Variants in NRXN3 observed in about 807,000 individuals in gnomAD.
The protein encoded by NRXN3 is neurexin 3, also known as neurexin III.
A neutral mutation model predicts 137.6 loss-of-function variants in NRXN3; 32 were observed. That is an observed-to-expected ratio of 0.23 (90% CI 0.18 to 0.31). NRXN3 has a LOEUF of 0.31. Among genes scored for constraint, NRXN3 ranks in the 10% least tolerant of loss-of-function variants. The pLI, the probability that NRXN3 is intolerant of heterozygous loss-of-function variation, is 1.00. For missense variants in NRXN3, 1,574 were observed against 2,062.5 expected (o/e 0.76, Z 4.59); for synonymous variants, 798 against 784.5 (o/e 1.02, Z -0.29).
intron 16 of NRXN3, among the ~76,000 whole-genome samples, chr14:79,650,185 A>G (rs745675644): frequency 6.6e-6 from 1 of 152,154 alleles, no homozygotes; most frequent in Non-Finnish European, 1.5e-5. Context: ...TTGTGAGAGT[A>G]TAGGAGAAAC....
At chr14:78,966,487 T>A (rs1456059926) in intron 12 of NRXN3, 81 bp downstream of exon 12, 3 of 1,413,450 alleles carry the variant, frequency 2.1e-6, no homozygotes, top group Admixed American at 2.1e-5. Flanking sequence ...TAAAAATAAC[T>A]TGTCTATTCT....
intron 15 of NRXN3, among the ~76,000 whole-genome samples, chr14:79,046,297 A>C (rs1266464298): frequency 6.6e-6 from 1 of 152,126 alleles, no homozygotes; most frequent in Non-Finnish European, 1.5e-5. Flanking sequence ...ATGGTCCCTG[A>C]GAAAGGACAA....
chr14:79,355,590 A>G (rs1024734563), intron 15 of NRXN3, among the ~76,000 whole-genome samples: 1 of 152,252 alleles, frequency 6.6e-6, no homozygotes, highest in African/African-American at 2.4e-5. Flanking sequence ...ATAGCATTCA[A>G]TAATTATCCA....
intron 4 of NRXN3, among the ~76,000 whole-genome samples, chr14:78,531,670 G>A (rs879758794): frequency 2.0e-5 from 3 of 152,064 alleles, no homozygotes; most frequent in Non-Finnish European, 4.4e-5. Context: ...AGTCTGACAC[G>A]GTATTTGGGA....
chr14:78,782,894 C>G (rs2098775111), intron 8 of NRXN3, among the ~76,000 whole-genome samples: 2 of 152,012 alleles, frequency 1.3e-5, no homozygotes. Flanking sequence ...TAAGCACTGG[C>G]AAGGAGAGGT....
chr14:78,798,409 A>G (rs1265187993), intron 8 of NRXN3, among the ~76,000 whole-genome samples: 1 of 152,236 alleles, frequency 6.6e-6, no homozygotes, highest in Non-Finnish European at 1.5e-5. Context: ...CTGATGCAAG[A>G]GGTGGGTTCC....
intron 4 of NRXN3, among the ~76,000 whole-genome samples, chr14:78,440,528 G>A (rs991754572): frequency 6.6e-6 from 1 of 152,050 alleles, no homozygotes; most frequent in Admixed American, 6.5e-5. Context: ...TATCTCACTC[G>A]TGCATAGGTT....
intron 10 of NRXN3, among the ~76,000 whole-genome samples, chr14:78,914,472 C>T (rs2099249592): frequency 6.6e-6 from 1 of 152,056 alleles, no homozygotes; most frequent in Non-Finnish European, 1.5e-5. Context: ...TGAGGAGGAC[C>T]AAGGTTTACT....
chr14:79,485,717 AG>A (rs1295198491), intron 16 of NRXN3, among the ~76,000 whole-genome samples: 2 of 152,212 alleles, frequency 1.3e-5, no homozygotes, highest in Non-Finnish European at 2.9e-5. Flanking sequence ...AGTGAAATCA[AG>A]GGAGAGGATT....
intron 4 of NRXN3, among the ~76,000 whole-genome samples, chr14:78,509,794 A>G (rs1258276360): frequency 6.6e-6 from 1 of 152,048 alleles, no homozygotes; most frequent in Non-Finnish European, 1.5e-5. Flanking sequence ...GGACTCTTCT[A>G]CCTGCTTGAA....
intron 15 of NRXN3, among the ~76,000 whole-genome samples, chr14:79,115,282 G>A (rs924749174): frequency 9.1e-5 from 13 of 142,692 alleles, no homozygotes; most frequent in East Asian, 8.4e-4. Context: ...CCGAGATTGC[G>A]CCATTGCACT....
rs548782888 is a variant in NRXN3 at position 78,572,629 on chromosome 14, C to G, written c.758-72491C>G. On this transcript the variant is annotated intron_variant, in intron 4 of 20. Transcript: ENST00000335750. ...TGTCTTAGGCCACACATATAATACA[C>G]TAACACTGAGATATAGAGTAAGCTC... Among the ~76,000 whole-genome samples the G allele has an allele frequency of 2.0e-4, 30 of 152,344 alleles. 1 individual carries two copies. The South Asian group carries it at 6.0e-3, about 31-fold the overall frequency.
At chr14:79,141,388 G>A (rs1425024458) in intron 15 of NRXN3, among the ~76,000 whole-genome samples, 1 of 152,144 alleles carries the variant, frequency 6.6e-6, no homozygotes, top group African/African-American at 2.4e-5. Context: ...TTCATGGAAT[G>A]TGCTTAGCCC....
intron 16 of NRXN3, among the ~76,000 whole-genome samples, chr14:79,505,380 C>T (rs550228243): frequency 3.3e-5 from 5 of 152,174 alleles, no homozygotes; most frequent in African/African-American, 1.2e-4. Context: ...AGAGATGCTA[C>T]CATCTTCAGC....
chr14:78,799,573 G>T (rs911824756), intron 8 of NRXN3, among the ~76,000 whole-genome samples: 2 of 152,030 alleles, frequency 1.3e-5, no homozygotes, highest in Non-Finnish European at 2.9e-5. Context: ...ACATTTTCAG[G>T]TATCTTTACA....
chr14:78,823,613 C>G (rs1164688267), intron 10 of NRXN3, among the ~76,000 whole-genome samples: 2 of 152,210 alleles, frequency 1.3e-5, no homozygotes, highest in South Asian at 2.1e-4. Flanking sequence ...TAAAGGGTTG[C>G]AGCCTGCAGG....
At chr14:78,619,877 A>C (rs930995061) in intron 4 of NRXN3, among the ~76,000 whole-genome samples, 1 of 152,166 alleles carries the variant, frequency 6.6e-6, no homozygotes, top group African/African-American at 2.4e-5. Context: ...AAGAGACAAG[A>C]GTCTTCCCTT....
intron 1 of NRXN3, among the ~76,000 whole-genome samples, chr14:78,239,431 G>A (rs2066785728): frequency 6.6e-6 from 1 of 152,306 alleles, no homozygotes; most frequent in African/African-American, 2.4e-5. Flanking sequence ...CCTTTGAGAT[G>A]TTGCCCTTTG....
rs61995186 is a variant in NRXN3, at chr14:79,523,964, T to A, written c.3444+56562T>A. On this transcript the variant is annotated intron_variant, in intron 16 of 20. Transcript: ENST00000335750. ...GCCCTGAAGTTTCAAAGTGTCCAGT[T>A]GCTGTAGGAGCTTTTTCTATTCTGA... Among the ~76,000 whole-genome samples, 1,518 of 152,308 alleles carry A rather than the reference T, an allele frequency of 1.0e-2. 17 individuals carry two copies. Among genetic ancestry groups the A allele is most frequent in the Admixed American group, 0.016 (238 of 15,290 alleles).
Sources: gnomAD v4.1 joint callset for allele counts (sites outside exome capture counted in the v4.1 genomes callset) on GRCh38, gnomAD v4.1.1 for gene constraint, MANE v1.5 for transcripts, NCBI Gene and HGNC (gene_info 2026-07-23, HGNC 2026-07-21) for gene names.